GMDS: variants seen among roughly 807,000 people sequenced by gnomAD.
GMDS encodes the protein GDP-mannose 4,6-dehydratase.
In GMDS, 20 loss-of-function variants were observed where a neutral mutation model predicts 49.9. That is an observed-to-expected ratio of 0.40 (90% CI 0.28 to 0.58). The LOEUF (loss-of-function observed/expected upper bound fraction) is 0.58, where lower values mean the gene tolerates loss of function less well. Ranked by LOEUF, GMDS falls within the 20% of genes least tolerant of loss-of-function variation. The probability of loss-of-function intolerance (pLI) is 0.42; values close to 1 mark genes in which losing one functional copy is unlikely to be tolerated. For missense variants in GMDS, 362 were observed against 481.4 expected (o/e 0.75, Z 2.32); for synonymous variants, 177 against 178.6 (o/e 0.99, Z 0.07).
intron 7 of GMDS, among the ~76,000 whole-genome samples, chr6:1,901,617 T>G (rs968268918): frequency 1.3e-5 from 2 of 152,178 alleles, no homozygotes; most frequent in African/African-American, 4.8e-5. Flanking sequence ...AGGAGAATTT[T>G]GTTGCTCTTT....
chr6:2,101,072 C>G (rs1157181641), intron 4 of GMDS, among the ~76,000 whole-genome samples: 1 of 151,286 alleles, frequency 6.6e-6, no homozygotes. Flanking sequence ...AAAAAGTGAG[C>G]ATTTAAGTGT....
At chr6:1,999,923 AT>A (rs1766565136) in intron 4 of GMDS, among the ~76,000 whole-genome samples, 1 of 87,300 alleles carries the variant, frequency 1.1e-5, no homozygotes. Flanking sequence ...TTATATACAT[AT>A]TATATATTAT....
At position 1,761,580 on chromosome 6, in the gene GMDS, A is replaced by G. The variant is rs374732513; in HGVS notation, c.772-18994T>C. Among the ~76,000 whole-genome samples the G allele has an allele frequency of 2.6e-5, 4 of 152,290 alleles. No individual in the cohort carries two copies. In the East Asian group the frequency reaches 5.8e-4, roughly 22 times the overall value. ...AGCTTTTCTGTTAATATAACACAGC[A>G]TTTTTCACATGCATTTCATGTGAAT... is the stretch of plus-strand genomic sequence containing the variant. On this transcript the variant is annotated intron_variant, in intron 7 of 10. Coordinates refer to ENST00000380815, the MANE Select transcript of GMDS (RefSeq NM_001500.4).
At chr6:1,856,963 AT>A (rs1757963668) in intron 7 of GMDS, among the ~76,000 whole-genome samples, 1 of 152,210 alleles carries the variant, frequency 6.6e-6, no homozygotes, top group African/African-American at 2.4e-5. Flanking sequence ...CAGCACACTT[AT>A]CATCTAAGAA....
At chr6:1,936,491 C>T (rs957122132) in intron 6 of GMDS, among the ~76,000 whole-genome samples, 1 of 152,168 alleles carries the variant, frequency 6.6e-6, no homozygotes, top group African/African-American at 2.4e-5. Flanking sequence ...ATAGCTCAGA[C>T]CAGCAAGTCA....
rs111403004 is a variant in GMDS at position 1,842,801 on chromosome 6, C to T, written c.771+87302G>A. 1.6e-3 allele frequency among the ~76,000 whole-genome samples: 247 copies of T among 152,230 alleles called. 1 individual carries two copies. Among genetic ancestry groups the T allele is most frequent in the African/African-American group, 3.7e-3 (155 of 41,550 alleles). ...CAAAGGTTGCAATGAGGTACAGAGG[C>T]TCACATTGTATATTTTAAATAAGAA... On this transcript the variant is annotated intron_variant, in intron 7 of 10. Transcript: ENST00000380815.
intron 9 of GMDS, among the ~76,000 whole-genome samples, chr6:1,639,378 C>G (rs1763259440): frequency 6.6e-6 from 1 of 152,174 alleles, no homozygotes; most frequent in Non-Finnish European, 1.5e-5. Context: ...ATTCCCTGAG[C>G]TGGGTTGTGA....
At chr6:2,232,244 A>C (rs531299760) in intron 1 of GMDS, among the ~76,000 whole-genome samples, 4 of 152,190 alleles carry the variant, frequency 2.6e-5, no homozygotes, top group African/African-American at 9.6e-5. Flanking sequence ...CCATATATCA[A>C]TCTCAGGTTT....
intron 7 of GMDS, among the ~76,000 whole-genome samples, chr6:1,915,147 A>G (rs577956861): frequency 6.6e-6 from 1 of 152,326 alleles, no homozygotes; most frequent in South Asian, 2.1e-4. Context: ...TGCTTTTCCC[A>G]TAAAGAAGCT....
chr6:1,895,782 C>T (rs1456041104), intron 7 of GMDS, among the ~76,000 whole-genome samples: 1 of 152,108 alleles, frequency 6.6e-6, no homozygotes, highest in East Asian at 1.9e-4. Flanking sequence ...GTTTACTCAC[C>T]ACTTGGCCCC....
intron 7 of GMDS, among the ~76,000 whole-genome samples, chr6:1,761,377 AACTT>A (rs1223684347): frequency 2.0e-5 from 3 of 152,252 alleles, no homozygotes; most frequent in African/African-American, 4.8e-5. Context: ...ATCTGTGAGA[AACTT>A]AAATTATCAG....
chr6:2,067,722 T>C (rs1223585322), intron 4 of GMDS, among the ~76,000 whole-genome samples: 3 of 152,094 alleles, frequency 2.0e-5, no homozygotes, highest in African/African-American at 4.8e-5. Flanking sequence ...CAGGAAGAAG[T>C]TGAATCTCTG....
chr6:1,674,568 T>TTTTTTC (rs1334832877), intron 9 of GMDS, among the ~76,000 whole-genome samples: 1 of 141,204 alleles, frequency 7.1e-6, no homozygotes, highest in Non-Finnish European at 1.5e-5. Flanking sequence ...CTCTTTTTTT[T>TTTTTTC]TTTTTTTTTT....
At chr6:1,666,750 T>C (rs1410757143) in intron 9 of GMDS, among the ~76,000 whole-genome samples, 3 of 152,238 alleles carry the variant, frequency 2.0e-5, no homozygotes, top group Admixed American at 1.3e-4. Context: ...GGCTGACTTA[T>C]GACATTTACA....
chr6:1,675,712 G>C (rs566354208), intron 9 of GMDS, among the ~76,000 whole-genome samples: 1 of 152,192 alleles, frequency 6.6e-6, no homozygotes, highest in East Asian at 1.9e-4. Context: ...AATTAGCCGG[G>C]TGTGATGGCA....
intron 7 of GMDS, among the ~76,000 whole-genome samples, chr6:1,765,715 G>T (rs1451297164): frequency 1.3e-5 from 2 of 152,100 alleles, no homozygotes; most frequent in Non-Finnish European, 2.9e-5. Flanking sequence ...TAAATGAAAC[G>T]GCAGAAGCTT....
intron 4 of GMDS, among the ~76,000 whole-genome samples, chr6:1,971,024 G>A (rs565351445): frequency 1.3e-5 from 2 of 152,138 alleles, no homozygotes; most frequent in East Asian, 3.9e-4. Context: ...TGGGGGTTTG[G>A]AAAGGTGAGG....
intron 7 of GMDS, among the ~76,000 whole-genome samples, chr6:1,901,441 A>C (rs1760500326): frequency 6.6e-6 from 1 of 152,206 alleles, no homozygotes; most frequent in African/African-American, 2.4e-5. Context: ...CATAGAAAAG[A>C]AAAAATATAT....
Position 1,798,575 on chromosome 6 carries a change from T to C in GMDS, c.772-55989A>G, listed in dbSNP as rs576890047. ...TGTGGAGGTAGAAGCGTGAGGCTCC[T>C]TTGGATCAGAAGGCTCTGTAATTCT... On this transcript the variant is annotated intron_variant, in intron 7 of 10. Transcript: ENST00000380815. 5.3e-5 allele frequency among the ~76,000 whole-genome samples: 8 copies of C among 152,250 alleles called. No individual in the cohort carries two copies. The South Asian group carries it at 1.5e-3, about 28-fold the overall frequency.
Sources: allele counts gnomAD v4.1 joint callset (sites outside exome capture counted in the v4.1 genomes callset), GRCh38; gene constraint gnomAD v4.1.1; transcripts MANE v1.5; gene names NCBI Gene and HGNC (gene_info 2026-07-23, HGNC 2026-07-21).